The following PRDM10 variants were observed in gnomAD, a reference collection of about 807,000 sequenced individuals.
PRDM10 encodes PR/SET domain 10.
A neutral mutation model predicts 133.1 loss-of-function variants in PRDM10; 65 were observed. The ratio of observed to expected loss-of-function variants is 0.49; its 90% CI spans 0.40 to 0.60. The LOEUF (loss-of-function observed/expected upper bound fraction) is 0.60. Ranked by LOEUF, PRDM10 falls within the 20% of genes least tolerant of loss-of-function variation. The pLI, the probability that PRDM10 is intolerant of heterozygous loss-of-function variation, is 0.00. For synonymous variants in PRDM10, 582 were observed against 580.4 expected, an observed-to-expected ratio of 1.00 and a Z score of -0.04; for missense variants, 1,137 against 1,507.1, an observed-to-expected ratio of 0.75 and a Z score of 4.07.
At chr11:129,919,527 T>C (rs1483877486) in intron 13 of PRDM10, among the ~76,000 whole-genome samples, 4 of 152,238 alleles carry the variant, frequency 2.6e-5, no homozygotes, top group African/African-American at 7.2e-5. Context: ...TTGTTCACTA[T>C]GATGGAGCAT....
intron 1 of PRDM10, among the ~76,000 whole-genome samples, chr11:129,990,128 A>G (rs1938647471): frequency 6.6e-6 from 1 of 151,480 alleles, no homozygotes; most frequent in East Asian, 1.9e-4. Context: ...GGTGGATCAC[A>G]AGGTCAGGAG....
At chr11:129,996,089 C>CG (rs1307941993) in intron 1 of PRDM10, among the ~76,000 whole-genome samples, 1 of 152,162 alleles carries the variant, frequency 6.6e-6, no homozygotes, top group Non-Finnish European at 1.5e-5. Context: ...CTGCATTCTA[C>CG]GTGAGGGGGC....
At chr11:129,966,194 A>G (rs540272363) in intron 1 of PRDM10, among the ~76,000 whole-genome samples, 1 of 152,314 alleles carries the variant, frequency 6.6e-6, no homozygotes, top group East Asian at 1.9e-4. Context: ...CAGTGAGCCA[A>G]GATCGAGTCA....
chr11:129,986,661 C>A (rs1310114421), intron 1 of PRDM10, among the ~76,000 whole-genome samples: 1 of 152,148 alleles, frequency 6.6e-6, no homozygotes, highest in African/African-American at 2.4e-5. Context: ...AGTGCGTGAG[C>A]CACTGCACCA....
chr11:129,982,178 G>C (rs1484989744), intron 1 of PRDM10, among the ~76,000 whole-genome samples: 1 of 152,028 alleles, frequency 6.6e-6, no homozygotes, highest in Non-Finnish European at 1.5e-5. Flanking sequence ...AGGACTGCTT[G>C]AGCCTGGGAG....
intron 9 of PRDM10, among the ~76,000 whole-genome samples, chr11:129,933,052 G>T (rs1178579279): frequency 6.6e-6 from 1 of 152,192 alleles, no homozygotes; most frequent in African/African-American, 2.4e-5. Flanking sequence ...GAGCCACCAT[G>T]CCTGGCATGA....
chr11:129,953,545 C>T (rs1205255275), intron 4 of PRDM10, among the ~76,000 whole-genome samples: 1 of 152,198 alleles, frequency 6.6e-6, no homozygotes, highest in Non-Finnish European at 1.5e-5. Flanking sequence ...CTGCCTGCCT[C>T]AGCCTCCCAA....
At chr11:129,966,966 C>T (rs574832303) in intron 1 of PRDM10, among the ~76,000 whole-genome samples, 125 of 152,274 alleles carry the variant, frequency 8.2e-4, no homozygotes, top group Non-Finnish European at 1.4e-3. Context: ...TTAGGAATAT[C>T]TTAGTCAATC....
chr11:129,931,790 G>T (rs902382066), intron 10 of PRDM10, among the ~76,000 whole-genome samples: 1 of 151,842 alleles, frequency 6.6e-6, no homozygotes, highest in Non-Finnish European at 1.5e-5. Flanking sequence ...GGATGGTCTC[G>T]ATCTCCTGAC....
chr11:129,995,663 G>C (rs937121441), intron 1 of PRDM10, among the ~76,000 whole-genome samples: 3 of 152,008 alleles, frequency 2.0e-5, no homozygotes, highest in Non-Finnish European at 4.4e-5. Context: ...GCGGGGGAGA[G>C]GGGCAGGGGC....
At chr11:129,961,549 A>G (rs1263718709) in intron 1 of PRDM10, among the ~76,000 whole-genome samples, 1 of 151,182 alleles carries the variant, frequency 6.6e-6, no homozygotes, top group Non-Finnish European at 1.5e-5. Context: ...CAAGTGATCC[A>G]CCTGCCTTGG....
intron 8 of PRDM10, 51 bp from the exon 9 acceptor site, chr11:129,935,269 T>C: frequency 7.1e-7 from 1 of 1,398,624 alleles, no homozygotes; most frequent in Middle Eastern, 1.8e-4. Context: ...TAGACACCAG[T>C]AAAACTCAAA....
intron 1 of PRDM10, among the ~76,000 whole-genome samples, chr11:129,969,156 T>C (rs1160379256): frequency 1.3e-5 from 2 of 152,242 alleles, no homozygotes; most frequent in Non-Finnish European, 2.9e-5. Context: ...CAATTGCTCA[T>C]TTTTAAAAAT....
intron 1 of PRDM10, among the ~76,000 whole-genome samples, chr11:129,985,578 G>C (rs553170276): frequency 9.2e-5 from 14 of 151,590 alleles, no homozygotes; most frequent in African/African-American, 3.4e-4. Flanking sequence ...GACTGCTTGA[G>C]CTCAGGCGTT....
At chr11:129,930,171 T>C (rs895181954) in intron 11 of PRDM10, among the ~76,000 whole-genome samples, 2 of 152,120 alleles carry the variant, frequency 1.3e-5, no homozygotes, top group African/African-American at 2.4e-5. Context: ...TGAACGATCA[T>C]GCATGTAGAA....
At chr11:129,941,697 T>C (rs1373325599) in intron 7 of PRDM10, among the ~76,000 whole-genome samples, 3 of 152,220 alleles carry the variant, frequency 2.0e-5, no homozygotes, top group Non-Finnish European at 4.4e-5. Flanking sequence ...ATACATGACA[T>C]GAGATAGTCA....
intron 1 of PRDM10, among the ~76,000 whole-genome samples, chr11:129,972,491 T>A (rs1387617357): frequency 6.6e-6 from 1 of 152,222 alleles, no homozygotes; most frequent in Non-Finnish European, 1.5e-5. Context: ...GAAAGACACC[T>A]CTGTCCAGCT....
Position 129,931,171 on chromosome 11 carries a change from T to C in PRDM10, c.1375A>G (p.Ile459Val), listed in dbSNP as rs1950844206. ...NGLDQPEQTT[I>V]PIPQLPQETQ... ...TCCTGTGGCAGCTGAGGGATTGGGATAGTGGTCTGTTCTGGTTGATCCAGC... is the reference window on the plus strand; with the variant it reads ...TCCTGTGGCAGCTGAGGGATTGGGACAGTGGTCTGTTCTGGTTGATCCAGC... Residue 459 changes from isoleucine to valine, a missense_variant, in exon 11 of 21, where the codon ATC becomes GTC. Coordinates refer to ENST00000360871, the MANE Select transcript of PRDM10 (RefSeq NM_199437.2). 1 of 1,614,090 alleles carries C rather than the reference T, an allele frequency of 6.2e-7. No individual in the cohort carries two copies. Among genetic ancestry groups the C allele is most frequent in the South Asian group, 1.1e-5 (1 of 91,090 alleles).
chr11:129,991,819 A>G (rs1938772543), intron 1 of PRDM10, among the ~76,000 whole-genome samples: 1 of 143,470 alleles, frequency 7.0e-6, no homozygotes, highest in Non-Finnish European at 1.5e-5. Context: ...CTCCATCTCA[A>G]AAAAAAAAAA....
Sources: gnomAD v4.1 joint callset for allele counts (sites outside exome capture counted in the v4.1 genomes callset) on GRCh38, gnomAD v4.1.1 for gene constraint, MANE v1.5 for transcripts, NCBI Gene and HGNC (gene_info 2026-07-23, HGNC 2026-07-21) for gene names.